The following SAXO1 variants were observed in gnomAD, a reference collection of about 807,000 sequenced individuals.
SAXO1 encodes stabilizer of axonemal microtubules 1.
In SAXO1, 21 loss-of-function variants were observed where a neutral mutation model predicts 17.5. That is an observed-to-expected ratio of 1.20 (90% CI 0.85 to 1.72). SAXO1 has a LOEUF of 1.72. SAXO1 is among the 40% of genes most tolerant of loss of function. SAXO1 has a pLI of 0.00. For synonymous variants in SAXO1, 274 were observed against 216.5 expected, an observed-to-expected ratio of 1.27 and a Z score of -2.33; for missense variants, 843 against 596.0, an observed-to-expected ratio of 1.41 and a Z score of -4.32.
At chr9:18,959,768 T>C (rs1031074372) in intron 1 of SAXO1, among the ~76,000 whole-genome samples, 4 of 142,678 alleles carry the variant, frequency 2.8e-5, no homozygotes, top group African/African-American at 5.9e-5. Context: ...TGAAACTCTG[T>C]CTAAGAAAAA....
At chr9:18,961,437 T>C (rs753277091) in intron 1 of SAXO1, among the ~76,000 whole-genome samples, 5 of 152,204 alleles carry the variant, frequency 3.3e-5, no homozygotes, top group Admixed American at 6.5e-5. Context: ...TTGCTGTACC[T>C]ATCAACCCAT....
At chr9:19,019,387 C>T (rs1835129328) in intron 1 of SAXO1, among the ~76,000 whole-genome samples, 1 of 152,066 alleles carries the variant, frequency 6.6e-6, no homozygotes, top group Non-Finnish European at 1.5e-5. Flanking sequence ...ATGTAGGAGC[C>T]CTTTCCATAG....
At chr9:18,965,458 G>A (rs537115673) in intron 1 of SAXO1, among the ~76,000 whole-genome samples, 1 of 152,196 alleles carries the variant, frequency 6.6e-6, no homozygotes, top group East Asian at 1.9e-4. Flanking sequence ...TATATATTTA[G>A]GATAGTTAGC....
At chr9:18,930,585 C>A (rs1279365524) in intron 3 of SAXO1, among the ~76,000 whole-genome samples, 2 of 152,102 alleles carry the variant, frequency 1.3e-5, no homozygotes, top group African/African-American at 4.8e-5. Context: ...CCGCAACCTC[C>A]ACCTCCCAGG....
At chr9:18,959,093 A>C (rs1448638167) in intron 1 of SAXO1, among the ~76,000 whole-genome samples, 12 of 152,228 alleles carry the variant, frequency 7.9e-5, no homozygotes, top group African/African-American at 2.9e-4. Context: ...GCTTTAGTAG[A>C]GCCGCTGGGG....
At chr9:18,934,062 A>G (rs1308083028) in intron 3 of SAXO1, among the ~76,000 whole-genome samples, 2 of 152,022 alleles carry the variant, frequency 1.3e-5, no homozygotes, top group African/African-American at 4.8e-5. Flanking sequence ...TAATAATAAT[A>G]ATAATAATAA....
At chr9:18,983,472 C>T (rs956295316) in intron 1 of SAXO1, among the ~76,000 whole-genome samples, 3 of 152,096 alleles carry the variant, frequency 2.0e-5, no homozygotes, top group Non-Finnish European at 2.9e-5. Context: ...CCAAACCATA[C>T]CAAAAGTTTT....
At chr9:18,986,537 G>C (rs1413945006) in intron 1 of SAXO1, among the ~76,000 whole-genome samples, 2 of 151,958 alleles carry the variant, frequency 1.3e-5, no homozygotes, top group Non-Finnish European at 2.9e-5. Flanking sequence ...AATAAAATGG[G>C]AATTTGACCT....
At chr9:18,938,474 A>G (rs1208654474) in intron 3 of SAXO1, among the ~76,000 whole-genome samples, 5 of 152,022 alleles carry the variant, frequency 3.3e-5, no homozygotes, top group African/African-American at 1.2e-4. Context: ...GGAGGTGCCA[A>G]ACGCTTCTAA....
intron 3 of SAXO1, among the ~76,000 whole-genome samples, chr9:18,931,888 C>A (rs1029744064): frequency 6.6e-6 from 1 of 152,136 alleles, no homozygotes; most frequent in East Asian, 1.9e-4. Context: ...TTATAGAATT[C>A]TTTGCATGTT....
At chr9:18,952,635 G>C (rs1397510427) in intron 1 of SAXO1, among the ~76,000 whole-genome samples, 1 of 152,152 alleles carries the variant, frequency 6.6e-6, no homozygotes, top group South Asian at 2.1e-4. Flanking sequence ...AATGCCTTAA[G>C]AAGGCATGAA....
intron 1 of SAXO1, among the ~76,000 whole-genome samples, chr9:18,997,192 A>T (rs1166942543): frequency 6.6e-6 from 1 of 152,198 alleles, no homozygotes; most frequent in Non-Finnish European, 1.5e-5. Context: ...TTTCCTAACC[A>T]AGGGAAGCCA....
intron 1 of SAXO1, among the ~76,000 whole-genome samples, chr9:18,972,834 C>T (rs959394624): frequency 6.6e-6 from 1 of 152,230 alleles, no homozygotes; most frequent in Non-Finnish European, 1.5e-5. Flanking sequence ...CTGCACTAAG[C>T]CTCGAGTCCT....
intron 1 of SAXO1, among the ~76,000 whole-genome samples, chr9:18,966,578 C>T (rs7848918): frequency 0.8 from 122,167 of 152,150 alleles, 49,268 homozygotes; most frequent in African/African-American, 0.87. Context: ...GTGCTGTGTT[C>T]TACACCTCCA....
intron 1 of SAXO1, among the ~76,000 whole-genome samples, chr9:19,024,452 C>T (rs1390207680): frequency 6.9e-6 from 1 of 144,994 alleles, no homozygotes; most frequent in Admixed American, 6.8e-5. Context: ...TGGGGTGGGG[C>T]GAGGGGGGGA....
At chr9:19,013,332 C>G (rs1332226639) in intron 1 of SAXO1, among the ~76,000 whole-genome samples, 2 of 152,092 alleles carry the variant, frequency 1.3e-5, no homozygotes, top group Admixed American at 6.5e-5. Flanking sequence ...TTTTGCAACG[C>G]CAGTCCCTTT....
intron 1 of SAXO1, among the ~76,000 whole-genome samples, chr9:19,024,373 A>G (rs1000128396): frequency 6.6e-6 from 1 of 151,416 alleles, no homozygotes; most frequent in Non-Finnish European, 1.5e-5. Context: ...GTTCTCACTC[A>G]TAGGTGGGAA....
intron 1 of SAXO1, among the ~76,000 whole-genome samples, chr9:18,994,594 G>A (rs1187167036): frequency 3.3e-5 from 5 of 152,180 alleles, no homozygotes; most frequent in Non-Finnish European, 7.3e-5. Context: ...TATGTTCAAT[G>A]TTTTGAAGGT....
intron 1 of SAXO1, among the ~76,000 whole-genome samples, chr9:18,987,332 G>A (rs953699996): frequency 2.0e-5 from 3 of 152,136 alleles, no homozygotes; most frequent in Non-Finnish European, 4.4e-5. Context: ...CTGCAGGATG[G>A]CAACAGCCCT....
Sources: allele counts gnomAD v4.1 joint callset (sites outside exome capture counted in the v4.1 genomes callset), GRCh38; gene constraint gnomAD v4.1.1; transcripts MANE v1.5; gene names NCBI Gene and HGNC (gene_info 2026-07-23, HGNC 2026-07-21).